L3MBTL4: variants seen among roughly 807,000 people sequenced by gnomAD.
L3MBTL4 encodes the protein lethal(3)malignant brain tumor-like protein 4.
In L3MBTL4, 70 loss-of-function variants were observed where a neutral mutation model predicts 84.5. That is an observed-to-expected ratio of 0.83 (90% confidence interval 0.68 to 1.01). L3MBTL4 has a LOEUF of 1.01. Among genes scored for constraint, L3MBTL4 ranks in the 50% least tolerant of loss-of-function variants. L3MBTL4 has a pLI of 0.00. For synonymous variants in L3MBTL4, 274 were observed against 259.8 expected, an observed-to-expected ratio of 1.05 and a Z score of -0.52; for missense variants, 715 against 754.8, an observed-to-expected ratio of 0.95 and a Z score of 0.62.
At chr18:6,105,817 A>T (rs2143967786) in intron 14 of L3MBTL4, among the ~76,000 whole-genome samples, 1 of 148,548 alleles carries the variant, frequency 6.7e-6, no homozygotes, top group East Asian at 2.0e-4. Context: ...AAAAAAAAAA[A>T]TGAAAAAAGA....
At chr18:6,294,651 C>A (rs2050010559) in intron 4 of L3MBTL4, among the ~76,000 whole-genome samples, 1 of 152,152 alleles carries the variant, frequency 6.6e-6, no homozygotes, top group Non-Finnish European at 1.5e-5. Flanking sequence ...GGCTTGAAGG[C>A]TTCCCAAATG....
At chr18:6,010,797 G>A (rs1372073930) in intron 16 of L3MBTL4, among the ~76,000 whole-genome samples, 1 of 151,978 alleles carries the variant, frequency 6.6e-6, no homozygotes, top group East Asian at 1.9e-4. Context: ...ATAAAACATA[G>A]GATCTTCCCT....
chr18:6,343,134 C>A (rs1272608251), intron 1 of L3MBTL4, among the ~76,000 whole-genome samples: 1 of 152,126 alleles, frequency 6.6e-6, no homozygotes, highest in African/African-American at 2.4e-5. Context: ...GACAGCAATG[C>A]AATAGTAATA....
At chr18:6,221,366 T>A (rs2046544211) in intron 10 of L3MBTL4, among the ~76,000 whole-genome samples, 1 of 152,170 alleles carries the variant, frequency 6.6e-6, no homozygotes, top group Non-Finnish European at 1.5e-5. Flanking sequence ...ATAAAAGGGA[T>A]CTGCCAAGGG....
At chr18:5,991,845 A>C (rs909022721) in intron 16 of L3MBTL4, among the ~76,000 whole-genome samples, 2 of 152,102 alleles carry the variant, frequency 1.3e-5, no homozygotes, top group Non-Finnish European at 2.9e-5. Context: ...TGACATGCTG[A>C]GCCCAGCCAA....
At chr18:6,071,761 A>AAGAG (rs1205653012) in intron 16 of L3MBTL4, among the ~76,000 whole-genome samples, 162 of 92,198 alleles carry the variant, frequency 1.8e-3, no homozygotes, top group African/African-American at 6.6e-3. Context: ...AAGAAAGAAA[A>AAGAG]AAAGAAAGAA....
intron 14 of L3MBTL4, among the ~76,000 whole-genome samples, chr18:6,119,505 G>A (rs1391709071): frequency 6.6e-6 from 1 of 152,190 alleles, no homozygotes; most frequent in African/African-American, 2.4e-5. Context: ...GGTGGTAGGG[G>A]TGAGAGAAAG....
intron 12 of L3MBTL4, among the ~76,000 whole-genome samples, chr18:6,176,950 T>C (rs1599022339): frequency 6.6e-6 from 1 of 152,240 alleles, no homozygotes; most frequent in Middle Eastern, 3.4e-3. Flanking sequence ...GCATACCCAC[T>C]CGAGTGATTT....
At chr18:6,394,216 C>T (rs1326784072) in intron 1 of L3MBTL4, among the ~76,000 whole-genome samples, 3 of 152,100 alleles carry the variant, frequency 2.0e-5, no homozygotes, top group Admixed American at 6.5e-5. Flanking sequence ...GGCTGTAATC[C>T]CAGCACTTTG....
chr18:6,001,761 T>A (rs571975542), intron 16 of L3MBTL4, among the ~76,000 whole-genome samples: 1 of 151,982 alleles, frequency 6.6e-6, no homozygotes, highest in South Asian at 2.1e-4. Flanking sequence ...AGCAGTAAGA[T>A]TAAAGAAAAG....
At chr18:6,179,813 T>A (rs1021388951) in intron 12 of L3MBTL4, among the ~76,000 whole-genome samples, 20 of 152,090 alleles carry the variant, frequency 1.3e-4, no homozygotes, top group Admixed American at 5.2e-4. Context: ...TTTATTTTGT[T>A]TTTTTGTAGA....
At chr18:6,024,105 G>C in intron 16 of L3MBTL4, among the ~76,000 whole-genome samples, 1 of 152,114 alleles carries the variant, frequency 6.6e-6, no homozygotes, top group East Asian at 1.9e-4. Context: ...TTGAACTCCT[G>C]ACCTCAGGTG....
chr18:6,361,728 G>A (rs1020759690), intron 1 of L3MBTL4, among the ~76,000 whole-genome samples: 1 of 152,164 alleles, frequency 6.6e-6, no homozygotes, highest in South Asian at 2.1e-4. Flanking sequence ...GTCCTATGCA[G>A]GGGTTCCACA....
At chr18:6,165,313 T>C (rs1465299855) in intron 13 of L3MBTL4, among the ~76,000 whole-genome samples, 1 of 152,016 alleles carries the variant, frequency 6.6e-6, no homozygotes, top group African/African-American at 2.4e-5. Flanking sequence ...AACATTCAAA[T>C]TCAGGAAATA....
intron 16 of L3MBTL4, among the ~76,000 whole-genome samples, chr18:5,978,161 C>A (rs1051561094): frequency 1.2e-4 from 19 of 152,138 alleles, no homozygotes; most frequent in African/African-American, 3.6e-4. Flanking sequence ...GAGTTTTTAT[C>A]CTGTGGTGTC....
intron 16 of L3MBTL4, among the ~76,000 whole-genome samples, chr18:6,075,320 C>G (rs1374472717): frequency 6.6e-6 from 1 of 151,988 alleles, no homozygotes; most frequent in Admixed American, 6.6e-5. Flanking sequence ...AGTATTGGCA[C>G]AAGAATAGCC....
intron 4 of L3MBTL4, among the ~76,000 whole-genome samples, chr18:6,280,369 G>A (rs544791296): frequency 1.7e-4 from 26 of 152,320 alleles, no homozygotes; most frequent in African/African-American, 4.8e-4. Flanking sequence ...TTTGGAATGA[G>A]AGTCCCTTTG....
intron 15 of L3MBTL4, among the ~76,000 whole-genome samples, chr18:6,085,227 C>T (rs1179085882): frequency 4.0e-5 from 6 of 150,690 alleles, no homozygotes; most frequent in African/African-American, 1.2e-4. Context: ...AGGAGAAATA[C>T]TGGAAACCAT....
Position 6,030,960 on chromosome 18 carries a change from GAACA to G in L3MBTL4, c.1444+49917_1444+49920del, listed in dbSNP as rs756579374. ...TATTGTTATGAAATACTCAATGAAC[GAACA>G]AACAAATTAATTCTACAATTTCATC... On this transcript the variant is annotated intron_variant, in intron 16 of 18. Transcript: ENST00000317931. 43 of 984,616 alleles carry G rather than the reference GAACA, an allele frequency of 4.4e-5. No individual in the cohort carries two copies. The East Asian group carries it at 2.5e-3, about 57-fold the overall frequency. The allele number at this position is 984,616 out of a possible 1,614,324, so 61.0% of individuals were successfully genotyped here. A position where few individuals can be genotyped will look rare whatever the true frequency, so the allele number is the denominator to read the frequency against.
Sources: allele counts gnomAD v4.1 joint callset (sites outside exome capture counted in the v4.1 genomes callset), GRCh38; gene constraint gnomAD v4.1.1; transcripts MANE v1.5; gene names NCBI Gene and HGNC (gene_info 2026-07-23, HGNC 2026-07-21).